Variants in RBL2 observed in about 807,000 individuals in gnomAD.
RBL2 encodes retinoblastoma-like protein 2.
In RBL2, 56 loss-of-function variants were observed where a neutral mutation model predicts 126.0. That is an observed-to-expected ratio of 0.44 (90% CI 0.36 to 0.56). The LOEUF is 0.56. Among genes scored for constraint, RBL2 ranks in the 20% least tolerant of loss-of-function variants. RBL2 has a pLI of 0.00. For synonymous variants in RBL2, 454 were observed against 478.5 expected (o/e 0.95, Z 0.67); for missense variants, 1,229 against 1,398.2 (o/e 0.88, Z 1.93).
chr16:53,479,859 T>C (rs1960873137), intron 18 of RBL2, 27 bp from the exon 19 acceptor site: 2 of 1,473,026 alleles, frequency 1.4e-6, no homozygotes, highest in African/African-American at 1.4e-5. Flanking sequence ...TACTAGTTTA[T>C]GTCCCCTTCT....
At chr16:53,473,979 G>C (rs755586351) in intron 17 of RBL2, among the ~76,000 whole-genome samples, 1 of 151,794 alleles carries the variant, frequency 6.6e-6, no homozygotes, top group Non-Finnish European at 1.5e-5. Context: ...TTGCATTTCT[G>C]GTGTAAATCC....
At chr16:53,479,863 C>T in intron 18 of RBL2, 23 bp from the exon 19 acceptor site, 1 of 1,487,270 alleles carries the variant, frequency 6.7e-7, no homozygotes, top group Non-Finnish European at 9.3e-7. Flanking sequence ...AGTTTATGTC[C>T]CCTTCTCATT....
At chr16:53,457,328 C>T (rs190684117) in intron 8 of RBL2, among the ~76,000 whole-genome samples, 170 of 139,494 alleles carry the variant, frequency 1.2e-3, no homozygotes, top group African/African-American at 4.6e-3. Flanking sequence ...GGTGCAATCT[C>T]GGCTCACTGT....
At chr16:53,469,499 C>G (rs1035727081) in intron 14 of RBL2, among the ~76,000 whole-genome samples, 1 of 152,056 alleles carries the variant, frequency 6.6e-6, no homozygotes, top group Non-Finnish European at 1.5e-5. Context: ...AGTAGTGGCT[C>G]TGTAGTAAAA....
chr16:53,462,147 G>A (rs1169273785), intron 10 of RBL2, among the ~76,000 whole-genome samples: 1 of 152,130 alleles, frequency 6.6e-6, no homozygotes, highest in East Asian at 1.9e-4. Context: ...AACATATTGA[G>A]AATAAGGACA....
At chr16:53,483,673 C>T (rs561730340) in intron 21 of RBL2, among the ~76,000 whole-genome samples, 2 of 152,172 alleles carry the variant, frequency 1.3e-5, no homozygotes, top group African/African-American at 4.8e-5. Flanking sequence ...GGTGGATCAC[C>T]TGAGGTCAGG....
intron 19 of RBL2, 166 bp from the exon 20 acceptor site, chr16:53,480,400 GT>G (rs1960893810): frequency 1.6e-6 from 1 of 635,476 alleles, no homozygotes. Flanking sequence ...TAGGGAGAAA[GT>G]TAATATCCTA....
At position 53,454,716 on chromosome 16, in the gene RBL2, G is replaced by A. The variant is rs764478146; in HGVS notation, c.1053G>A (p.Arg351=). The part of the protein sequence containing the change: ...YVLSVGNLDE[R]IFLGEDAEEE... The stretch of plus-strand genomic sequence containing the variant: ...TATCTGTTGGGAATTTAGATGAGCG[G>A]ATATTTCTTGGAGAGGATGCTGAGG... The change falls in exon 8 of 22, where the codon CGG becomes CGA. Residue 351 remains arginine (R), a synonymous_variant. Transcript: ENST00000262133. 6.2e-7 allele frequency: 1 copy of A among 1,614,066 alleles called. No homozygotes were observed. Among genetic ancestry groups the A allele is most frequent in the South Asian group, 1.1e-5 (1 of 91,082 alleles).
Position 53,470,576 on chromosome 16 carries a change from T to C in RBL2, c.2439T>C (p.Gly813=). Residue 813 remains glycine, a synonymous_variant, in exon 16 of 22, where the codon GGT becomes GGC. Coordinates refer to ENST00000262133, the MANE Select transcript of RBL2 (RefSeq NM_005611.4). ...TGGCCATTCAACAGATTTCCCCAGG[T>C]GGCCAACAGCAGAAGCAAGGCCAGT... is the stretch of plus-strand genomic sequence containing the variant. ...GQVAIQQISP[G]GQQQKQGQSV... The C allele has an allele frequency of 6.2e-7, 1 of 1,614,174 alleles. No homozygotes were observed. Among genetic ancestry groups the C allele is most frequent in the Non-Finnish European group, 8.5e-7 (1 of 1,180,030 alleles).
chr16:53,446,831 C>A (rs1469998188), intron 3 of RBL2, among the ~76,000 whole-genome samples: 1 of 152,166 alleles, frequency 6.6e-6, no homozygotes, highest in Admixed American at 6.5e-5. Flanking sequence ...TAAGAATTTT[C>A]TTTTCTTTGA....
At chr16:53,458,979 A>AT (rs1465736197) in intron 8 of RBL2, among the ~76,000 whole-genome samples, 1 of 152,012 alleles carries the variant, frequency 6.6e-6, no homozygotes, top group Non-Finnish European at 1.5e-5. Flanking sequence ...TAAATCATGG[A>AT]TTTTTTTTGG....
chr16:53,469,338 A>G (rs1455722239), intron 14 of RBL2, among the ~76,000 whole-genome samples: 2 of 152,250 alleles, frequency 1.3e-5, no homozygotes, highest in Admixed American at 6.5e-5. Flanking sequence ...ATTATGCTTA[A>G]CTGAATCCAA....
At chr16:53,479,483 T>C (rs1960860387) in intron 18 of RBL2, 2 of 529,466 alleles carry the variant, frequency 3.8e-6, no homozygotes, top group South Asian at 2.5e-5. Context: ...AAGAAGTTAC[T>C]TGGTTTCTAT....
At chr16:53,459,109 A>T (rs1017395294) in intron 8 of RBL2, among the ~76,000 whole-genome samples, 2 of 152,196 alleles carry the variant, frequency 1.3e-5, no homozygotes, top group African/African-American at 4.8e-5. Context: ...AGGTGAGCAG[A>T]ATGCTTATCT....
intron 2 of RBL2, among the ~76,000 whole-genome samples, chr16:53,442,381 T>C (rs987764511): frequency 6.6e-6 from 1 of 152,206 alleles, no homozygotes; most frequent in African/African-American, 2.4e-5. Flanking sequence ...AACGTGAATG[T>C]TGGTTAGGTT....
At chr16:53,445,348 A>T (rs914690352) in intron 3 of RBL2, among the ~76,000 whole-genome samples, 1 of 151,878 alleles carries the variant, frequency 6.6e-6, no homozygotes, top group Admixed American at 6.6e-5. Context: ...AAAAAAAGTA[A>T]ATCACTTTAT....
intron 2 of RBL2, among the ~76,000 whole-genome samples, chr16:53,440,781 C>T (rs62048518): frequency 0.47 from 71,190 of 151,500 alleles, 17,330 homozygotes; most frequent in Middle Eastern, 0.61. Context: ...TTCCAACTCC[C>T]GACCTCAGGT....
At chr16:53,465,680 G>T (rs1410653661) in intron 13 of RBL2, 78 bp downstream of exon 13, 44 of 1,219,410 alleles carry the variant, frequency 3.6e-5, no homozygotes, top group Non-Finnish European at 4.5e-5. Flanking sequence ...GGGATGGGAG[G>T]GTGGCAATTA....
At chr16:53,485,713 G>A (rs1961139460) in intron 21 of RBL2, among the ~76,000 whole-genome samples, 1 of 151,914 alleles carries the variant, frequency 6.6e-6, no homozygotes, top group African/African-American at 2.4e-5. Context: ...AAATTTAACT[G>A]GGTGTGGTGC....
Sources: gnomAD v4.1 joint callset for allele counts (sites outside exome capture counted in the v4.1 genomes callset) on GRCh38, gnomAD v4.1.1 for gene constraint, MANE v1.5 for transcripts, NCBI Gene and HGNC (gene_info 2026-07-23, HGNC 2026-07-21) for gene names.